IRAK2: variants seen among roughly 807,000 people sequenced by gnomAD.
The protein encoded by IRAK2 is interleukin-1 receptor-associated kinase-like 2.
A neutral mutation model predicts 72.0 loss-of-function variants in IRAK2; 57 were observed. The observed-to-expected ratio is 0.79, with a 90% CI of 0.64 to 0.99. IRAK2 has a LOEUF of 0.99. Ranked by LOEUF, IRAK2 falls within the 50% of genes least tolerant of loss-of-function variation. IRAK2 has a pLI of 0.00. For missense variants in IRAK2, 790 were observed against 794.4 expected, an observed-to-expected ratio of 0.99 and a Z score of 0.07; for synonymous variants, 293 against 312.7, an observed-to-expected ratio of 0.94 and a Z score of 0.67.
intron 6 of IRAK2, among the ~76,000 whole-genome samples, chr3:10,215,928 C>T (rs965948445): frequency 6.6e-6 from 1 of 152,114 alleles, no homozygotes; most frequent in Non-Finnish European, 1.5e-5. Flanking sequence ...AGGGAGTGTA[C>T]GCCAGAAGCA....
chr3:10,166,752 C>A (rs575879303), intron 1 of IRAK2, among the ~76,000 whole-genome samples: 1 of 152,048 alleles, frequency 6.6e-6, no homozygotes, highest in African/African-American at 2.4e-5. Flanking sequence ...TCAAGTGATT[C>A]TCTTGCCTCA....
At chr3:10,193,310 A>G (rs1697205264) in intron 2 of IRAK2, among the ~76,000 whole-genome samples, 1 of 151,990 alleles carries the variant, frequency 6.6e-6, no homozygotes, top group South Asian at 2.1e-4. Context: ...TTTCACGGAT[A>G]TCCAGATTCC....
chr3:10,202,426 A>G lies in IRAK2; in HGVS notation c.424+1911A>G, dbSNP rs535278248. Among the ~76,000 whole-genome samples the G allele has an allele frequency of 4.6e-5, 7 of 152,090 alleles. No homozygotes were observed. The East Asian group carries it at 1.4e-3, about 29-fold the overall frequency. On this transcript the variant is annotated intron_variant, in intron 3 of 12. Transcript: ENST00000256458. The stretch of plus-strand genomic sequence containing the variant: ...ATCACGAGGTCAGGAGATCAATACC[A>G]TCCTGGCTAACACGGTGAAACCCTG...
chr3:10,240,862 A>G (rs1389115801), intron 12 of IRAK2, among the ~76,000 whole-genome samples: 1 of 151,638 alleles, frequency 6.6e-6, no homozygotes, highest in Non-Finnish European at 1.5e-5. Flanking sequence ...CCCGACCAGG[A>G]AGGCCCTTTC....
chr3:10,175,579 C>A (rs1054626608), intron 1 of IRAK2, among the ~76,000 whole-genome samples: 1 of 152,014 alleles, frequency 6.6e-6, no homozygotes, highest in Admixed American at 6.6e-5. Flanking sequence ...CATAGTGAGA[C>A]CCCATCTCTT....
At chr3:10,236,122 G>A (rs2125165154) in intron 11 of IRAK2, among the ~76,000 whole-genome samples, 1 of 152,136 alleles carries the variant, frequency 6.6e-6, no homozygotes, top group Non-Finnish European at 1.5e-5. Flanking sequence ...CTGAGGAAGG[G>A]GGGTTTAAGC....
At chr3:10,209,890 T>C (rs770395929) in intron 4 of IRAK2, among the ~76,000 whole-genome samples, 198 bp downstream of exon 4, 43 of 152,076 alleles carry the variant, frequency 2.8e-4, no homozygotes, top group Non-Finnish European at 6.2e-4. Flanking sequence ...GGAGGGCACT[T>C]CAGTGAATAT....
intron 2 of IRAK2, among the ~76,000 whole-genome samples, chr3:10,196,985 A>AT (rs899513699): frequency 1.2e-4 from 19 of 152,144 alleles, no homozygotes; most frequent in Non-Finnish European, 2.6e-4. Flanking sequence ...TTGCTAACTG[A>AT]TTTTTTTTAA....
intron 2 of IRAK2, among the ~76,000 whole-genome samples, chr3:10,191,138 A>G (rs1438445778): frequency 6.6e-6 from 1 of 151,784 alleles, no homozygotes; most frequent in Non-Finnish European, 1.5e-5. Flanking sequence ...ACTAAAAATA[A>G]AAAAAAATTA....
intron 3 of IRAK2, among the ~76,000 whole-genome samples, chr3:10,203,514 A>G (rs7645643): frequency 0.055 from 8,352 of 152,288 alleles, 524 homozygotes; most frequent in African/African-American, 0.16. Flanking sequence ...CAATTATCTT[A>G]AAGGATTTTG....
chr3:10,206,377 C>T (rs1054365798), intron 3 of IRAK2, among the ~76,000 whole-genome samples: 2 of 152,120 alleles, frequency 1.3e-5, no homozygotes, highest in African/African-American at 2.4e-5. Context: ...GTCTCCAGCT[C>T]GCATTCTCCT....
rs754891140 is a variant in IRAK2, at chr3:10,234,531, G to A, written c.1345G>A (p.Val449Met). 2 of 1,614,148 alleles carry A rather than the reference G, an allele frequency of 1.2e-6. No homozygotes were observed. The highest frequency in any genetic ancestry group is 1.1e-5 in the South Asian group (1 of 91,092). Reference protein sequence around the residue: ...LCSRKTGVENVMAKEICQKYL... With the variant: ...LCSRKTGVENMMAKEICQKYL... Reference sequence around the variant, plus strand: ...CTCCAGGAAGACGGGCGTGGAGAACGTGATGGCAAAGGAGATCTGCCAGAA... The same window carrying A: ...CTCCAGGAAGACGGGCGTGGAGAACATGATGGCAAAGGAGATCTGCCAGAA... Residue 449 changes from valine (V) to methionine (M), a missense_variant, in exon 11 of 13, where the codon GTG becomes ATG. Coordinates refer to ENST00000256458, the MANE Select transcript of IRAK2 (RefSeq NM_001570.4).
At position 10,242,479 on chromosome 3, in the gene IRAK2, G is replaced by C. The variant is rs1451683216; in HGVS notation, c.*251G>C. 1 of 257,156 alleles carries C rather than the reference G, an allele frequency of 3.9e-6. No individual in the cohort carries two copies. Among genetic ancestry groups the C allele is most frequent in the Non-Finnish European group, 7.4e-6 (1 of 135,348 alleles). The allele number at this position is 257,156 out of a possible 1,614,324, so 15.9% of individuals were successfully genotyped here. On this transcript the variant is annotated 3_prime_UTR_variant, in exon 13 of 13. Transcript: ENST00000256458. ...TTAGTCAGAGCAGGGGATCAGAGGAGACTGAAGCAGAAACCCTGCACACGG... is the reference window on the plus strand; with the variant it reads ...TTAGTCAGAGCAGGGGATCAGAGGACACTGAAGCAGAAACCCTGCACACGG...
At chr3:10,210,293 A>T (rs1387436018) in intron 4 of IRAK2, among the ~76,000 whole-genome samples, 1 of 151,844 alleles carries the variant, frequency 6.6e-6, no homozygotes, top group Non-Finnish European at 1.5e-5. Context: ...AGGCGGGAGG[A>T]TGGCTTCAGC....
chr3:10,176,097 A>C (rs1696871905), intron 1 of IRAK2, among the ~76,000 whole-genome samples: 1 of 143,178 alleles, frequency 7.0e-6, no homozygotes, highest in Non-Finnish European at 1.5e-5. Context: ...TTTGGTGAAC[A>C]ACCATCAATT....
chr3:10,213,240 C>G lies in IRAK2; in HGVS notation c.562C>G (p.Leu188Val). Residue 188 changes from leucine (L) to valine (V), a missense_variant, in exon 5 of 13, where the codon CTT (leucine) becomes GTT (valine). Coordinates refer to ENST00000256458, the MANE Select transcript of IRAK2 (RefSeq NM_001570.4). ...CACCTCCATTCCTAAGCAGGAAAAA[C>G]TTTTGAGCTTGGCTGGAGACAGCCT... is the stretch of plus-strand genomic sequence containing the variant. Reference protein sequence around the residue: ...FSTSIPKQEKLLSLAGDSLFW... With the variant: ...FSTSIPKQEKVLSLAGDSLFW... The G allele has an allele frequency of 6.2e-7, 1 of 1,614,148 alleles. No homozygotes were observed. Among genetic ancestry groups the G allele is most frequent in the Non-Finnish European group, 8.5e-7 (1 of 1,180,042 alleles).
At chr3:10,187,077 T>C (rs950208251) in intron 2 of IRAK2, among the ~76,000 whole-genome samples, 1 of 151,310 alleles carries the variant, frequency 6.6e-6, no homozygotes, top group Non-Finnish European at 1.5e-5. Flanking sequence ...AGTGTCATGT[T>C]GTTGCTCAAG....
At chr3:10,166,038 C>G (rs1040520588) in intron 1 of IRAK2, among the ~76,000 whole-genome samples, 1 of 151,964 alleles carries the variant, frequency 6.6e-6, no homozygotes, top group South Asian at 2.1e-4. Context: ...CTCCGGAACT[C>G]TTGATCTCAG....
chr3:10,239,004 C>G lies in IRAK2; in HGVS notation c.1730C>G (p.Ser577Cys), dbSNP rs1239254460. Residue 577 changes from serine to cysteine, a missense_variant, in exon 12 of 13, where the codon TCT (serine) becomes TGT (cysteine). Coordinates refer to ENST00000256458, the MANE Select transcript of IRAK2 (RefSeq NM_001570.4). ...GTGGGAAGGGAGGCTGACTCCTCCT[C>G]TGAGGCCTGTGTTGGCCTGGAGCCT... ...VIVGREADSS[S>C]EACVGLEPPQ... is the part of the protein sequence containing the mutation. 1 of 1,612,392 alleles carries G rather than the reference C, an allele frequency of 6.2e-7. No homozygotes were observed. Among genetic ancestry groups the G allele is most frequent in the Non-Finnish European group, 8.5e-7 (1 of 1,179,144 alleles).
Sources: gnomAD v4.1 joint callset for allele counts (sites outside exome capture counted in the v4.1 genomes callset) on GRCh38, gnomAD v4.1.1 for gene constraint, MANE v1.5 for transcripts, NCBI Gene and HGNC (gene_info 2026-07-23, HGNC 2026-07-21) for gene names.